SLC14A2: variants seen among roughly 807,000 people sequenced by gnomAD.
SLC14A2 encodes the protein solute carrier family 14 member 2, also known as urea transporter 2.
Under a neutral mutation model 104.6 loss-of-function variants are expected in SLC14A2, and 91 were observed. That is an observed-to-expected ratio of 0.87 (90% CI 0.73 to 1.04). SLC14A2 has a LOEUF of 1.04. Among genes scored for constraint, SLC14A2 ranks in the 50% least tolerant of loss-of-function variants. The pLI, the probability that SLC14A2 is intolerant of heterozygous loss-of-function variation, is 0.00. For synonymous variants in SLC14A2, 476 were observed against 466.4 expected, an observed-to-expected ratio of 1.02 and a Z score of -0.27; for missense variants, 1,189 against 1,156.0, an observed-to-expected ratio of 1.03 and a Z score of -0.41.
the SLC14A2 span, among the ~76,000 whole-genome samples, chr18:45,180,760 T>C: frequency 1.3e-5 from 2 of 152,206 alleles, no homozygotes; most frequent in South Asian, 2.1e-4. Flanking sequence ...AGTGAAATGA[T>C]ATTTTTGAAA....
chr18:45,295,095 C>T (rs1001011535), intron 1 of SLC14A2, among the ~76,000 whole-genome samples: 5 of 152,192 alleles, frequency 3.3e-5, no homozygotes, highest in Non-Finnish European at 7.3e-5. Context: ...ATAAGAAAGC[C>T]TGCTCTTGCA....
chr18:45,235,616 TCTA>T (rs951723989), intron 1 of SLC14A2, among the ~76,000 whole-genome samples: 2 of 151,832 alleles, frequency 1.3e-5, no homozygotes, highest in African/African-American at 4.8e-5. Context: ...TATTCTACTC[TCTA>T]CTTTCTGTGA....
At chr18:45,571,258 A>T (rs1040727668) in intron 2 of SLC14A2, among the ~76,000 whole-genome samples, 1 of 152,264 alleles carries the variant, frequency 6.6e-6, no homozygotes, top group South Asian at 2.1e-4. Context: ...TATTTAATAA[A>T]TTCTTTGTGC....
intron 2 of SLC14A2, among the ~76,000 whole-genome samples, chr18:45,604,938 G>T (rs1209409876): frequency 6.6e-6 from 1 of 152,128 alleles, no homozygotes; most frequent in Non-Finnish European, 1.5e-5. Context: ...TACCATTTTT[G>T]TATAAATTAT....
At chr18:45,383,708 C>T (rs923768068) in intron 1 of SLC14A2, among the ~76,000 whole-genome samples, 1 of 152,176 alleles carries the variant, frequency 6.6e-6, no homozygotes, top group Non-Finnish European at 1.5e-5. Context: ...GCCACCCAGG[C>T]TTAATCTTGC....
intron 2 of SLC14A2, among the ~76,000 whole-genome samples, chr18:45,500,502 G>A (rs1433799702): frequency 1.3e-5 from 2 of 151,328 alleles, no homozygotes; most frequent in Non-Finnish European, 2.9e-5. Context: ...GCGTGAACCC[G>A]GGAGGCGGAG....
chr18:45,598,878 C>A (rs1177450237), intron 2 of SLC14A2, among the ~76,000 whole-genome samples: 1 of 152,228 alleles, frequency 6.6e-6, no homozygotes, highest in African/African-American at 2.4e-5. Flanking sequence ...AGCACGCAGA[C>A]CGCTTGCTTC....
At chr18:45,565,570 A>T (rs1436703637) in intron 2 of SLC14A2, among the ~76,000 whole-genome samples, 1 of 152,188 alleles carries the variant, frequency 6.6e-6, no homozygotes, top group Non-Finnish European at 1.5e-5. Flanking sequence ...AGTCTGACAC[A>T]TGAGGACGAT....
At chr18:45,568,896 T>G (rs566000535) in intron 2 of SLC14A2, among the ~76,000 whole-genome samples, 2 of 152,318 alleles carry the variant, frequency 1.3e-5, no homozygotes, top group East Asian at 3.9e-4. Context: ...TATGGATAGT[T>G]ATGTTTTGGA....
At chr18:45,175,765 T>A in the SLC14A2 span, among the ~76,000 whole-genome samples, 1 of 152,188 alleles carries the variant, frequency 6.6e-6, no homozygotes, top group African/African-American at 2.4e-5. Flanking sequence ...AAGAGCCTGC[T>A]GTAAAGGGTG....
intron 7 of SLC14A2, among the ~76,000 whole-genome samples, chr18:45,640,245 C>A (rs542538791): frequency 1.3e-5 from 2 of 151,618 alleles, no homozygotes; most frequent in East Asian, 3.9e-4. Context: ...CACCTCACTC[C>A]AGCCTGGGAA....
chr18:45,269,870 C>T (rs1475935106), intron 1 of SLC14A2, among the ~76,000 whole-genome samples: 1 of 152,164 alleles, frequency 6.6e-6, no homozygotes, highest in African/African-American at 2.4e-5. Context: ...ATTTATTTAT[C>T]ATGTATTAGA....
intron 2 of SLC14A2, among the ~76,000 whole-genome samples, chr18:45,522,385 C>G (rs953158021): frequency 2.0e-5 from 3 of 152,206 alleles, no homozygotes; most frequent in Admixed American, 1.3e-4. Flanking sequence ...AAGGTGCACC[C>G]TTGACATTGC....
intron 1 of SLC14A2, among the ~76,000 whole-genome samples, chr18:45,458,170 G>A (rs553159431): frequency 6.6e-6 from 1 of 152,350 alleles, no homozygotes; most frequent in South Asian, 2.1e-4. Context: ...CCTAGCACCT[G>A]CCATCTGCAG....
rs2087022532 is a variant in SLC14A2 at position 45,460,375 on chromosome 18, CCACATGTA to C, written c.-124-22853_-124-22846del. 2.0e-5 allele frequency among the ~76,000 whole-genome samples: 3 copies of C among 152,256 alleles called. No homozygotes were observed. The South Asian group carries it at 6.2e-4, about 32-fold the overall frequency. On this transcript the variant is annotated intron_variant, in intron 1 of 20. Transcript: ENST00000586448. ...AAGTCTTCCTATTCAGGTGCTATCC[CCACATGTA>C]CACACTAGGGCTGCCCAGTCCACCT... is the stretch of plus-strand genomic sequence containing the variant.
At chr18:45,189,918 C>T in the SLC14A2 span, among the ~76,000 whole-genome samples, 1 of 152,182 alleles carries the variant, frequency 6.6e-6, no homozygotes, top group East Asian at 1.9e-4. Flanking sequence ...AGATGAGGCC[C>T]AGCTCTCAGA....
chr18:45,665,243 T>C (rs1162402008), intron 11 of SLC14A2, among the ~76,000 whole-genome samples: 1 of 152,200 alleles, frequency 6.6e-6, no homozygotes, highest in South Asian at 2.1e-4. Flanking sequence ...GGCAATTCAG[T>C]CTGAAAACAC....
intron 1 of SLC14A2, among the ~76,000 whole-genome samples, chr18:45,409,409 CTCTGCCTACCGTAATCTTCATTCTTGAG>C (rs2086190640): frequency 6.6e-6 from 1 of 152,190 alleles, no homozygotes; most frequent in Non-Finnish European, 1.5e-5. Flanking sequence ...TTCCCTTCTT[CTCTGCCTACCGTAATCTTCATTCTTGAG>C]TCTGTATTTT....
At chr18:45,554,860 A>G (rs2044110514) in intron 2 of SLC14A2, among the ~76,000 whole-genome samples, 1 of 152,198 alleles carries the variant, frequency 6.6e-6, no homozygotes. Flanking sequence ...CTGGGCATCC[A>G]TGCAGGGCTG....
Sources: gnomAD v4.1 joint callset for allele counts (sites outside exome capture counted in the v4.1 genomes callset) on GRCh38, gnomAD v4.1.1 for gene constraint, MANE v1.5 for transcripts, NCBI Gene and HGNC (gene_info 2026-07-23, HGNC 2026-07-21) for gene names.